APOBEC3H: variants seen among roughly 807,000 people sequenced by gnomAD.
APOBEC3H encodes DNA dC->dU-editing enzyme APOBEC-3H.
Under a neutral mutation model 21.2 loss-of-function variants are expected in APOBEC3H, and 8 were observed. The observed-to-expected ratio is 0.38, with a 90% confidence interval of 0.22 to 0.68. The LOEUF (loss-of-function observed/expected upper bound fraction) is 0.68. APOBEC3H is among the 30% of genes least tolerant of loss of function. The pLI, the probability that APOBEC3H is intolerant of heterozygous loss-of-function variation, is 0.52. For synonymous variants in APOBEC3H, 88 were observed against 91.0 expected, an observed-to-expected ratio of 0.97 and a Z score of 0.19; for missense variants, 229 against 228.1, an observed-to-expected ratio of 1.00 and a Z score of -0.03.
At chr22:39,102,241 C>T (rs530763334) in intron 4 of APOBEC3H, among the ~76,000 whole-genome samples, 199 bp downstream of exon 4, 3 of 151,498 alleles carry the variant, frequency 2.0e-5, no homozygotes, top group African/African-American at 4.8e-5. Flanking sequence ...CTCTGCCTCC[C>T]GGGTTCAAGT....
chr22:39,100,256 C>G lies in APOBEC3H; in HGVS notation c.-7-16C>G. On this transcript the variant is annotated splice_polypyrimidine_tract_variant and intron_variant, in intron 1 of 4. Coordinates refer to ENST00000442487, the MANE Select transcript of APOBEC3H (RefSeq NM_181773.5). Reference sequence around the variant, plus strand: ...ACGCTCCCTTCATCTTTGGTTTTCCCCTTTCTGTTGCACAGAAACACGATG... The same window carrying G: ...ACGCTCCCTTCATCTTTGGTTTTCCGCTTTCTGTTGCACAGAAACACGATG... The G allele has an allele frequency of 6.2e-7, 1 of 1,604,288 alleles. No individual in the cohort carries two copies. The highest frequency in any genetic ancestry group is 2.2e-5 in the East Asian group (1 of 44,568).
Position 39,101,328 on chromosome 22 carries a change from C to G in APOBEC3H, c.242C>G (p.Thr81Arg), listed in dbSNP as rs997573747. Residue 81 changes from threonine (T) to arginine (R), a missense_variant, in exon 3 of 5, where the codon ACG becomes AGG. Thr to Arg is a moderately conservative substitution (Grantham distance 71, BLOSUM62 -1). Coordinates refer to ENST00000442487, the MANE Select transcript of APOBEC3H (RefSeq NM_181773.5). The part of the protein sequence containing the change: ...TQCYQVTCYL[T>R]WSPCSSCAWE... ...TGCTACCAAGTCACCTGTTACCTCA[C>G]GTGGAGCCCCTGCTCCTCCTGTGCC... The G allele has an allele frequency of 1.2e-6, 2 of 1,613,376 alleles. No individual in the cohort carries two copies. Among genetic ancestry groups the G allele is most frequent in the Non-Finnish European group, 1.7e-6 (2 of 1,179,904 alleles).
chr22:39,102,173 G>C, intron 4 of APOBEC3H, 131 bp downstream of exon 4: 3 of 1,334,138 alleles, frequency 2.2e-6, no homozygotes, highest in Non-Finnish European at 3.0e-6. Context: ...TTTTGAGACA[G>C]GGTCTCACTC....
intron 3 of APOBEC3H, among the ~76,000 whole-genome samples, 195 bp from the exon 4 acceptor site, chr22:39,101,723 G>A (rs1929364323): frequency 7.1e-6 from 1 of 141,262 alleles, no homozygotes; most frequent in South Asian, 2.4e-4. Context: ...CGGGGAGCGG[G>A]GGGTCTGTGG....
Position 39,103,830 on chromosome 22 carries a change from C to T in APOBEC3H, c.*133C>T. Reference sequence around the variant, plus strand: ...CCTCATAGCCTGCTGGTCCTGTAAGCAAGCACTAAGCTCCACAGTGCCAGT... The same window carrying T: ...CCTCATAGCCTGCTGGTCCTGTAAGTAAGCACTAAGCTCCACAGTGCCAGT... On this transcript the variant is annotated 3_prime_UTR_variant, in exon 5 of 5. Coordinates refer to ENST00000442487, the MANE Select transcript of APOBEC3H (RefSeq NM_181773.5). The T allele has an allele frequency of 8.5e-7, 1 of 1,176,842 alleles. No individual in the cohort carries two copies. The highest frequency in any genetic ancestry group is 1.2e-5 in the South Asian group (1 of 81,964). The allele number at this position is 1,176,842 out of a possible 1,614,324, so 72.9% of individuals were successfully genotyped here.
Position 39,102,273 on chromosome 22 carries a change from C to T in APOBEC3H, c.543+231C>T, listed in dbSNP as rs374827205. 5.3e-5 allele frequency among the ~76,000 whole-genome samples: 8 copies of T among 152,170 alleles called. No individual in the cohort carries two copies. In the East Asian group the frequency reaches 5.8e-4, roughly 11 times the overall value. ...AAGTGATTCTCCTGCCTCAGCCTCC[C>T]GAGTAGCTGGGAGTACAGGCACTCG... On this transcript the variant is annotated intron_variant, in intron 4 of 4. Transcript: ENST00000442487.
rs1484181778 is a variant in APOBEC3H, at chr22:39,097,565, AAGACCCCTGCTG to A, written c.-8+227_-8+238del. The stretch of plus-strand genomic sequence containing the variant: ...CCGCCTCCCCGGCCTGCACCAGCCC[AAGACCCCTGCTG>A]AGACTCTCCCCTAAGAGTCATGGCT... On this transcript the variant is annotated intron_variant, in intron 1 of 4. Transcript: ENST00000442487. 3.3e-5 allele frequency among the ~76,000 whole-genome samples: 5 copies of A among 152,210 alleles called. No individual in the cohort carries two copies. The East Asian group carries it at 9.7e-4, about 29-fold the overall frequency.
chr22:39,102,189 C>T, intron 4 of APOBEC3H, 147 bp downstream of exon 4: 1 of 1,265,004 alleles, frequency 7.9e-7, no homozygotes, highest in East Asian at 2.6e-5. Context: ...CACTCTGTCA[C>T]CCAGGCAGGA....
chr22:39,101,572 G>T lies in APOBEC3H; in HGVS notation c.418+68G>T, dbSNP rs997211171. ...GGGCACAGGCTTGGCAGGGGCTGGG[G>T]GTTGGGGGTTGGGGGTTGGAGGAGG... On this transcript the variant is annotated intron_variant, in intron 3 of 4. Transcript: ENST00000442487. 7.5e-6 allele frequency: 8 copies of T among 1,063,290 alleles called. No homozygotes were observed. The Admixed American group carries it at 1.4e-4, about 19-fold the overall frequency. 65.9% of individuals were successfully genotyped at this position (1,063,290 alleles called of 1,614,324 possible). A position where few individuals can be genotyped will look rare whatever the true frequency, so the allele number is the denominator to read the frequency against.
rs1929383999 is a variant in APOBEC3H, at chr22:39,101,975, C to T, written c.476C>T (p.Pro159Leu). 4 of 1,613,712 alleles carry T rather than the reference C, an allele frequency of 2.5e-6. No individual in the cohort carries two copies. The African/African-American group carries it at 4.0e-5, about 16-fold the overall frequency. Reference sequence around the variant, plus strand: ...CACGAGAAACCGCTTTCCTTCAACCCCTATAAGATGTTAGAGGAGCTAGAT... The same window carrying T: ...CACGAGAAACCGCTTTCCTTCAACCTCTATAAGATGTTAGAGGAGCTAGAT... ...VDHEKPLSFN[P>L]YKMLEELDKN... Residue 159 changes from proline (P) to leucine (L), a missense_variant, in exon 4 of 5, where the codon CCC becomes CTC. Transcript: ENST00000442487.
intron 1 of APOBEC3H, among the ~76,000 whole-genome samples, chr22:39,098,718 C>T (rs1929137134): frequency 6.6e-6 from 1 of 152,162 alleles, no homozygotes; most frequent in Non-Finnish European, 1.5e-5. Context: ...CCAGCATCTC[C>T]TTCTCTTCTC....
intron 3 of APOBEC3H, among the ~76,000 whole-genome samples, chr22:39,101,713 C>T (rs922676133): frequency 1.6e-4 from 1 of 6,342 alleles, no homozygotes; most frequent in Middle Eastern, 0.12. Context: ...GGGGGGGTGG[C>T]GGGGAGCGGG....
chr22:39,103,322 T>C (rs1929478815), intron 4 of APOBEC3H, among the ~76,000 whole-genome samples: 1 of 152,086 alleles, frequency 6.6e-6, no homozygotes, highest in Non-Finnish European at 1.5e-5. Flanking sequence ...ATTAAAGACT[T>C]AAATGTAAGA....
rs780494103 is a variant in APOBEC3H, at chr22:39,102,074, C to G, written c.543+32C>G. 4.2e-5 allele frequency: 68 copies of G among 1,607,006 alleles called. No individual in the cohort carries two copies. In the Admixed American group the frequency reaches 1.1e-3, roughly 27 times the overall value. On this transcript the variant is annotated intron_variant, in intron 4 of 4. Transcript: ENST00000442487. ...CACTGTCCTGCCTGCTGCCCCCGAC[C>G]TCCTCACCGCCTGCCGCAGCCCCAT... is the stretch of plus-strand genomic sequence containing the variant.
At chr22:39,100,148 G>C in intron 1 of APOBEC3H, 124 bp from the exon 2 acceptor site, 1 of 1,054,696 alleles carries the variant, frequency 9.5e-7, no homozygotes, top group Non-Finnish European at 1.4e-6. Context: ...ACTCCAGCCT[G>C]GGCGACAGAG....
At chr22:39,097,891 A>G (rs1480578615) in intron 1 of APOBEC3H, among the ~76,000 whole-genome samples, 1 of 152,074 alleles carries the variant, frequency 6.6e-6, no homozygotes. Context: ...CTCCTCCTCC[A>G]TGATCAGTAT....
rs764300200 is a variant in APOBEC3H at position 39,101,452 on chromosome 22, G to A, written c.366G>A (p.Gly122=). 1 of 1,611,384 alleles carries A rather than the reference G, an allele frequency of 6.2e-7. No individual in the cohort carries two copies. The highest frequency in any genetic ancestry group is 1.7e-5 in the Admixed American group (1 of 59,640). The change falls in exon 3 of 5, where the codon GGG becomes GGA. Residue 122 remains glycine (G), a synonymous_variant. Coordinates refer to ENST00000442487, the MANE Select transcript of APOBEC3H (RefSeq NM_181773.5). ...YYHWCKPQQK[G]LRLLCGSQVP... The stretch of plus-strand genomic sequence containing the variant: ...ACTGGTGCAAGCCCCAGCAGAAGGG[G>A]CTGCGGCTTCTGTGTGGATCCCAGG...
chr22:39,098,208 T>C (rs1181119663), intron 1 of APOBEC3H, among the ~76,000 whole-genome samples: 2 of 152,230 alleles, frequency 1.3e-5, no homozygotes, highest in African/African-American at 4.8e-5. Flanking sequence ...AAGAGTGGCC[T>C]GGGCCTGGGG....
chr22:39,102,481 T>C (rs1264573208), intron 4 of APOBEC3H: 1 of 715,466 alleles, frequency 1.4e-6, no homozygotes, highest in South Asian at 1.5e-5. Flanking sequence ...TGTTCTCCTC[T>C]CGCACCAGGG....
Sources: allele counts gnomAD v4.1 joint callset (sites outside exome capture counted in the v4.1 genomes callset), GRCh38; gene constraint gnomAD v4.1.1; transcripts MANE v1.5; gene names NCBI Gene and HGNC (gene_info 2026-07-23, HGNC 2026-07-21).